Variants in SLC1A3 observed in about 807,000 individuals in gnomAD.
SLC1A3 encodes solute carrier family 1 member 3.
In SLC1A3, 21 loss-of-function variants were observed where a neutral mutation model predicts 48.1. The observed-to-expected ratio is 0.44, with a 90% confidence interval of 0.31 to 0.63. SLC1A3 has a LOEUF of 0.63. Among genes scored for constraint, SLC1A3 ranks in the 20% least tolerant of loss-of-function variants. The pLI, the probability that SLC1A3 is intolerant of heterozygous loss-of-function variation, is 0.08. For missense variants in SLC1A3, 546 were observed against 689.0 expected (o/e 0.79, Z 2.32); for synonymous variants, 239 against 251.4 (o/e 0.95, Z 0.47).
At chr5:36,660,597 C>A (rs1434046887) in intron 3 of SLC1A3, among the ~76,000 whole-genome samples, 2 of 152,202 alleles carry the variant, frequency 1.3e-5, no homozygotes, top group Non-Finnish European at 2.9e-5. Flanking sequence ...TGTTCTGTTA[C>A]AATGGTAACC....
upstream of SLC1A3, among the ~76,000 whole-genome samples, chr5:36,604,332 C>T (rs1000152137): frequency 2.2e-5 from 3 of 134,776 alleles, no homozygotes; most frequent in African/African-American, 1.0e-4. Flanking sequence ...TTTAGTGTTT[C>T]TAGAAGGAAA....
At chr5:36,609,417 T>C (rs1039015568) in intron 2 of SLC1A3, 4 of 218,764 alleles carry the variant, frequency 1.8e-5, no homozygotes, top group Admixed American at 1.3e-4. Flanking sequence ...GACAAACATA[T>C]ACGCCAATGC....
intron 6 of SLC1A3, among the ~76,000 whole-genome samples, chr5:36,677,818 G>A (rs1742275198): frequency 6.6e-6 from 1 of 152,194 alleles, no homozygotes; most frequent in Non-Finnish European, 1.5e-5. Flanking sequence ...AGCAAACGGA[G>A]AGGCCCCCTA....
rs529314003 is a variant in SLC1A3 at position 36,655,125 on chromosome 5, A to G, written c.320-15904A>G. ...GGACCTGGAGGTGAGCTCACGGGGAATCATGGCTGTGAGTGTGGTCTATGT... is the reference window on the plus strand; with the variant it reads ...GGACCTGGAGGTGAGCTCACGGGGAGTCATGGCTGTGAGTGTGGTCTATGT... On this transcript the variant is annotated intron_variant, in intron 3 of 9. Coordinates refer to ENST00000265113, the MANE Select transcript of SLC1A3 (RefSeq NM_004172.5). Among the ~76,000 whole-genome samples the G allele has an allele frequency of 2.0e-5, 3 of 152,314 alleles. No individual in the cohort carries two copies. In the East Asian group the frequency reaches 5.8e-4, roughly 29 times the overall value.
At chr5:36,648,769 T>C (rs1040753015) in intron 3 of SLC1A3, among the ~76,000 whole-genome samples, 57 of 152,186 alleles carry the variant, frequency 3.7e-4, no homozygotes, top group African/African-American at 1.3e-3. Flanking sequence ...ACTACATACA[T>C]TGTGAAGACT....
intron 3 of SLC1A3, among the ~76,000 whole-genome samples, chr5:36,659,220 A>G (rs952540908): frequency 1.3e-5 from 2 of 152,186 alleles, no homozygotes; most frequent in African/African-American, 4.8e-5. Flanking sequence ...TAGCTGTGTG[A>G]TCCTGAGTGA....
intron 3 of SLC1A3, among the ~76,000 whole-genome samples, chr5:36,640,439 G>A (rs1409727763): frequency 5.9e-5 from 9 of 152,062 alleles, no homozygotes; most frequent in African/African-American, 1.9e-4. Context: ...CTTCTCAACC[G>A]GACTGCCTCA....
intron 2 of SLC1A3, chr5:36,608,936 A>C: frequency 9.6e-7 from 1 of 1,046,022 alleles, no homozygotes; most frequent in Non-Finnish European, 1.2e-6. Flanking sequence ...AGATTTGGCC[A>C]AAATGTAATT....
intron 3 of SLC1A3, among the ~76,000 whole-genome samples, chr5:36,666,854 G>T (rs77653948): frequency 4.6e-5 from 7 of 152,190 alleles, no homozygotes; most frequent in Non-Finnish European, 8.8e-5. Flanking sequence ...CCATGAATTT[G>T]GTGCATATTT....
chr5:36,648,221 T>C lies in SLC1A3; in HGVS notation c.319+18634T>C, dbSNP rs1364269093. ...ATGTTGAAAGAAAAATTTTTAAAGA[T>C]TTGCATTTCAATTTTTTTACCTATA... On this transcript the variant is annotated intron_variant, in intron 3 of 9. Transcript: ENST00000265113. 4.6e-5 allele frequency among the ~76,000 whole-genome samples: 7 copies of C among 152,252 alleles called. 1 individual carries two copies. In the East Asian group the frequency reaches 9.6e-4, roughly 21 times the overall value.
At chr5:36,644,634 T>A (rs1243672358) in intron 3 of SLC1A3, among the ~76,000 whole-genome samples, 2 of 152,250 alleles carry the variant, frequency 1.3e-5, no homozygotes, top group East Asian at 3.8e-4. Context: ...AATATTTTAA[T>A]GTCAATTCTT....
intron 3 of SLC1A3, among the ~76,000 whole-genome samples, chr5:36,643,077 T>C (rs1740683952): frequency 6.6e-6 from 1 of 152,226 alleles, no homozygotes; most frequent in African/African-American, 2.4e-5. Context: ...TATTTGGGTT[T>C]TTCCTATTTT....
intron 3 of SLC1A3, among the ~76,000 whole-genome samples, chr5:36,649,132 T>C (rs1311227447): frequency 1.3e-5 from 2 of 151,944 alleles, no homozygotes; most frequent in East Asian, 1.9e-4. Context: ...TCACCTGAGA[T>C]TGGGAGTTCG....
intron 6 of SLC1A3, among the ~76,000 whole-genome samples, chr5:36,679,271 A>AC (rs564360966): frequency 1.8e-3 from 275 of 152,034 alleles, no homozygotes; most frequent in Non-Finnish European, 3.1e-3. Context: ...CAGAAAAGTG[A>AC]CCCCCATGTA....
At chr5:36,609,836 G>A (rs1216398085) in intron 2 of SLC1A3, among the ~76,000 whole-genome samples, 2 of 152,138 alleles carry the variant, frequency 1.3e-5, no homozygotes, top group Non-Finnish European at 2.9e-5. Flanking sequence ...AAATATTTCA[G>A]TCCCACATCA....
chr5:36,609,066 C>T, intron 2 of SLC1A3: 4 of 990,012 alleles, frequency 4.0e-6, no homozygotes, highest in Non-Finnish European at 4.8e-6. Flanking sequence ...AGTATCAACG[C>T]TTAGGCACAG....
intron 3 of SLC1A3, among the ~76,000 whole-genome samples, chr5:36,662,063 C>A (rs1310915139): frequency 6.6e-6 from 1 of 152,208 alleles, no homozygotes; most frequent in Non-Finnish European, 1.5e-5. Flanking sequence ...AATCATGATT[C>A]TTTTGGAAAG....
Position 36,686,561 on chromosome 5 carries a change from A to G in SLC1A3, c.*292A>G. 2.4e-6 allele frequency: 1 copy of G among 414,518 alleles called. No homozygotes were observed. Among genetic ancestry groups the G allele is most frequent in the Non-Finnish European group, 4.4e-6 (1 of 226,780 alleles). The allele number at this position is 414,518 out of a possible 1,614,324, so 25.7% of individuals were successfully genotyped here. A position where few individuals can be genotyped will look rare whatever the true frequency, so the allele number is the denominator to read the frequency against. On this transcript the variant is annotated 3_prime_UTR_variant, in exon 10 of 10. Coordinates refer to ENST00000265113, the MANE Select transcript of SLC1A3 (RefSeq NM_004172.5). Reference sequence around the variant, plus strand: ...ATCTTACAAGTTTATGTGGCACACAATCCTATAAATGTGATTTTTTTATAT... The same window carrying G: ...ATCTTACAAGTTTATGTGGCACACAGTCCTATAAATGTGATTTTTTTATAT...
chr5:36,678,468 C>T (rs1319535438), intron 6 of SLC1A3, among the ~76,000 whole-genome samples: 3 of 152,236 alleles, frequency 2.0e-5, no homozygotes, highest in South Asian at 4.1e-4. Context: ...GCTGTACATT[C>T]GCCTGCACAT....
Sources: gnomAD v4.1 joint callset for allele counts (sites outside exome capture counted in the v4.1 genomes callset) on GRCh38, gnomAD v4.1.1 for gene constraint, MANE v1.5 for transcripts, NCBI Gene and HGNC (gene_info 2026-07-23, HGNC 2026-07-21) for gene names.